NID2: variants seen among roughly 807,000 people sequenced by gnomAD.
NID2 encodes the protein nidogen 2, also known as nidogen-2.
Under a neutral mutation model 145.4 loss-of-function variants are expected in NID2, and 83 were observed. The ratio of observed to expected loss-of-function variants is 0.57; its 90% CI spans 0.48 to 0.69. The LOEUF is 0.69. NID2 is among the 30% of genes least tolerant of loss of function. The pLI is 0.00. For synonymous variants in NID2, 739 were observed against 701.3 expected, an observed-to-expected ratio of 1.05 and a Z score of -0.85; for missense variants, 1,807 against 1,765.7, an observed-to-expected ratio of 1.02 and a Z score of -0.42.
intron 9 of NID2, among the ~76,000 whole-genome samples, chr14:52,032,936 G>A (rs1444793583): frequency 1.3e-5 from 2 of 152,130 alleles, no homozygotes; most frequent in Admixed American, 1.3e-4. Context: ...GACAGGATTA[G>A]TTCCATAATT....
intron 16 of NID2, among the ~76,000 whole-genome samples, chr14:52,012,512 C>T (rs1891069370): frequency 6.6e-6 from 1 of 151,928 alleles, no homozygotes; most frequent in Non-Finnish European, 1.5e-5. Context: ...TTGGGAGGAT[C>T]GCTTGAGCCC....
At chr14:52,032,739 A>ACT (rs1386948995) in intron 9 of NID2, among the ~76,000 whole-genome samples, 1 of 151,646 alleles carries the variant, frequency 6.6e-6, no homozygotes, top group Admixed American at 6.6e-5. Context: ...ACCATGGCAC[A>ACT]TTCCAGCAAA....
chr14:52,005,391 C>T lies in NID2; in HGVS notation c.*95G>A, dbSNP rs1890727251. 4 of 1,260,916 alleles carry T rather than the reference C, an allele frequency of 3.2e-6. No individual in the cohort carries two copies. Among genetic ancestry groups the T allele is most frequent in the Non-Finnish European group, 4.3e-6 (4 of 933,338 alleles). 78.1% of individuals were successfully genotyped at this position (1,260,916 alleles called of 1,614,324 possible). On this transcript the variant is annotated 3_prime_UTR_variant, in exon 22 of 22. Coordinates refer to ENST00000216286, the MANE Select transcript of NID2 (RefSeq NM_007361.4). ...TGGATGCTCAGGAACGTCTAATGGC[C>T]AATTCCTTTTTTACTTTCTTTGCCT...
At chr14:52,010,425 C>G (rs1231954814) in intron 18 of NID2, 5 of 154,824 alleles carry the variant, frequency 3.2e-5, no homozygotes, top group Non-Finnish European at 7.2e-5. Flanking sequence ...TACAGCAACA[C>G]TGAAGCCAGA....
chr14:52,060,418 TAAA>T (rs1465775733), intron 2 of NID2, 62 bp from the exon 3 acceptor site: 1 of 927,318 alleles, frequency 1.1e-6, no homozygotes, highest in Admixed American at 3.5e-5. Flanking sequence ...AAAAAACAAA[TAAA>T]AGAAGAAAGA....
Position 52,028,828 on chromosome 14 carries a change from G to C in NID2, c.2424C>G (p.Gly808=), listed in dbSNP as rs1891694025. The C allele has an allele frequency of 6.2e-7, 1 of 1,613,646 alleles. No individual in the cohort carries two copies. The highest frequency in any genetic ancestry group is 1.3e-5 in the African/African-American group (1 of 74,904). The part of the protein sequence containing the change: ...NCVDENECAT[G]FHRCGPNSVC... Reference sequence around the variant, plus strand: ...CAGAGTTGGGGCCACAGCGATGAAAGCCAGTTGCACATTCATTTTCATCTA... The same window carrying C: ...CAGAGTTGGGGCCACAGCGATGAAACCCAGTTGCACATTCATTTTCATCTA... Residue 808 remains glycine (G), a synonymous_variant, in exon 11 of 22, where the codon GGC becomes GGG. Transcript: ENST00000216286.
At chr14:52,028,679 G>C in intron 11 of NID2, 43 bp downstream of exon 11, 2 of 1,602,960 alleles carry the variant, frequency 1.2e-6, no homozygotes, top group Non-Finnish European at 8.5e-7. Flanking sequence ...CAAGATTAAA[G>C]AGCACCATTT....
chr14:52,008,163 A>G (rs140676356), intron 18 of NID2, 196 bp from the exon 19 acceptor site: 1 of 466,460 alleles, frequency 2.1e-6, no homozygotes, highest in Admixed American at 4.0e-5. Flanking sequence ...ATCACTGCCG[A>G]TATTCGGTCT....
intron 2 of NID2, among the ~76,000 whole-genome samples, chr14:52,064,299 G>C (rs976216680): frequency 2.6e-5 from 4 of 152,204 alleles, no homozygotes; most frequent in African/African-American, 9.7e-5. Flanking sequence ...AATTCACAAA[G>C]AAAAGGAATT....
In NID2 at chr14:52,020,043, G is replaced by A. The variant is rs1210693898; in HGVS notation, c.2794+16C>T. 6.2e-7 allele frequency: 1 copy of A among 1,613,156 alleles called. No homozygotes were observed. The stretch of plus-strand genomic sequence containing the variant: ...CTAAGAGATTCATGTGCCTAATCTG[G>A]CCCTCTGAAACTTACCAGGTATGCA... On this transcript the variant is annotated intron_variant, in intron 13 of 21. Coordinates refer to ENST00000216286, the MANE Select transcript of NID2 (RefSeq NM_007361.4).
Position 52,014,273 on chromosome 14 carries a change from G to A in NID2, c.3420+14C>T, listed in dbSNP as rs1431725404. On this transcript the variant is annotated intron_variant, in intron 16 of 21. Transcript: ENST00000216286. ...CCACGCAGCCCTGCCCCCTACAGGA[G>A]AAATCCACTTTACATGCAGAGACAG... is the stretch of plus-strand genomic sequence containing the variant. 2 of 1,614,230 alleles carry A rather than the reference G, an allele frequency of 1.2e-6. No homozygotes were observed. Among genetic ancestry groups the A allele is most frequent in the Admixed American group, 3.3e-5 (2 of 60,030 alleles).
In NID2 at chr14:52,030,505, A is replaced by AAG. The variant is rs1566755322; in HGVS notation, c.2258-817_2258-816dup. 1.7e-3 allele frequency among the ~76,000 whole-genome samples: 166 copies of AAG among 97,800 alleles called. 10 individuals are homozygous for AAG. Among genetic ancestry groups the AAG allele is most frequent in the Middle Eastern group, 4.7e-3 (1 of 214 alleles). The allele number at this position is 97,800 out of a possible 152,430, so 64.2% of individuals were successfully genotyped here. A position where few individuals can be genotyped will look rare whatever the true frequency, so the allele number is the denominator to read the frequency against. On this transcript the variant is annotated intron_variant, in intron 9 of 21. Coordinates refer to ENST00000216286, the MANE Select transcript of NID2 (RefSeq NM_007361.4). The stretch of plus-strand genomic sequence containing the variant: ...GAAAAGAAAGAAAGAAAGAAAGAGA[A>AAG]AGAAAGAAAGAAAAGAAAGAAAGAA...
intron 16 of NID2, among the ~76,000 whole-genome samples, chr14:52,012,671 G>A (rs902271088): frequency 6.7e-6 from 1 of 150,018 alleles, no homozygotes; most frequent in Non-Finnish European, 1.5e-5. Context: ...TCTGGCTAGT[G>A]AGGTCTCTCC....
At chr14:52,058,801 T>C (rs1892934593) in intron 3 of NID2, among the ~76,000 whole-genome samples, 2 of 152,050 alleles carry the variant, frequency 1.3e-5, no homozygotes, top group South Asian at 4.1e-4. Flanking sequence ...TTGTATTCCA[T>C]GTGCTTGGCC....
intron 6 of NID2, among the ~76,000 whole-genome samples, 192 bp from the exon 7 acceptor site, chr14:52,042,542 A>T (rs199584527): frequency 1.7e-4 from 1 of 5,950 alleles, no homozygotes. Flanking sequence ...TCCTCCTTCT[A>T]CTCCACTACA....
intron 5 of NID2, among the ~76,000 whole-genome samples, chr14:52,048,713 T>C (rs1892588569): frequency 2.0e-5 from 3 of 152,106 alleles, no homozygotes; most frequent in Non-Finnish European, 4.4e-5. Flanking sequence ...TGCAGAGGAA[T>C]ATGGCAGGGT....
At chr14:52,043,538 T>C (rs1333991165) in intron 5 of NID2, among the ~76,000 whole-genome samples, 3 of 152,184 alleles carry the variant, frequency 2.0e-5, no homozygotes, top group African/African-American at 7.2e-5. Flanking sequence ...CCCTATGCCC[T>C]TGGCAGGGTT....
Position 52,040,754 on chromosome 14 carries a change from G to A in NID2, c.1923C>T (p.Tyr641=), listed in dbSNP as rs777945545. ...QTAEGLDPEN[Y]LSIKTNIQGQ... is the part of the protein sequence containing the mutation. ...CTTGAATGTTGGTCTTAATGCTCAG[G>A]TAGTTCTCTGGGTCAAGTCCCTCAG... Residue 641 remains tyrosine, a synonymous_variant, in exon 8 of 22, where the codon TAC becomes TAT. Coordinates refer to ENST00000216286, the MANE Select transcript of NID2 (RefSeq NM_007361.4). 6.2e-6 allele frequency: 10 copies of A among 1,614,036 alleles called. No individual in the cohort carries two copies. The highest frequency in any genetic ancestry group is 8.5e-6 in the Non-Finnish European group (10 of 1,180,036).
intron 9 of NID2, among the ~76,000 whole-genome samples, chr14:52,030,638 G>T (rs1891822279): frequency 6.8e-6 from 1 of 147,426 alleles, no homozygotes; most frequent in African/African-American, 2.5e-5. Context: ...GAAAGAAAGA[G>T]AAAGAAAAAG....
Sources: gnomAD v4.1 joint callset for allele counts (sites outside exome capture counted in the v4.1 genomes callset) on GRCh38, gnomAD v4.1.1 for gene constraint, MANE v1.5 for transcripts, NCBI Gene and HGNC (gene_info 2026-07-23, HGNC 2026-07-21) for gene names.